The following ZKSCAN8 variants were observed in gnomAD, a reference collection of about 807,000 sequenced individuals.
The protein encoded by ZKSCAN8 is zinc finger with KRAB and SCAN domains 8, also known as zinc finger protein with KRAB and SCAN domains 8.
ZKSCAN8 carries 27 observed loss-of-function variants against 57.2 expected under a neutral mutation model. The observed-to-expected ratio is 0.47, with a 90% CI of 0.35 to 0.65. The LOEUF (loss-of-function observed/expected upper bound fraction) is 0.65. Among genes scored for constraint, ZKSCAN8 ranks in the 30% least tolerant of loss-of-function variants. ZKSCAN8 has a pLI of 0.01. For synonymous variants in ZKSCAN8, 214 were observed against 248.7 expected, an observed-to-expected ratio of 0.86 and a Z score of 1.31; for missense variants, 597 against 696.3, an observed-to-expected ratio of 0.86 and a Z score of 1.60.
Position 28,144,935 on chromosome 6 carries a change from T to C in ZKSCAN8, c.-93+2906T>C, listed in dbSNP as rs9468295. 0.23 allele frequency among the ~76,000 whole-genome samples: 34,842 copies of C among 151,920 alleles called. 4,134 individuals carry two copies. Among genetic ancestry groups the C allele is most frequent in the African/African-American group, 0.28 (11,729 of 41,410 alleles). ...AGCCGGGTGTGGTGGAGGGCGCCTG[T>C]AGTCCCAGCTACTCGGGAGGCCGAG... On this transcript the variant is annotated intron_variant, in intron 1 of 5. Transcript: ENST00000330236. This position sits in a 1 kb window ranked among gnomAD's most constrained non-coding sequence, Gnocchi z 4.5.
In ZKSCAN8 at chr6:28,153,963, C is replaced by G. The variant is rs745563207; in HGVS notation, c.1683C>G (p.Leu561=). The change falls in exon 6 of 6, where the codon CTC becomes CTG. Residue 561 remains leucine, a synonymous_variant. Coordinates refer to ENST00000330236, the MANE Select transcript of ZKSCAN8 (RefSeq NM_006298.4). ...AAGCCTTTATTCAGAGGTCAAGTCTCATTCGACATCAGAGAATCCACAGTG... is the reference window on the plus strand; with the variant it reads ...AAGCCTTTATTCAGAGGTCAAGTCTGATTCGACATCAGAGAATCCACAGTG... ...CGKAFIQRSS[L]IRHQRIHSGE... The G allele has an allele frequency of 3.1e-6, 5 of 1,611,718 alleles. No homozygotes were observed. The South Asian group carries it at 5.5e-5, about 18-fold the overall frequency.
At position 28,157,737 on chromosome 6, in the gene ZKSCAN8, C is replaced by G. The variant is rs1452757176; in HGVS notation, c.*3720C>G. ...GTACTACAAAGCTAAATTGTGCAAA[C>G]AAAACATATTTAACAGAGTAATTGG... is the stretch of plus-strand genomic sequence containing the variant. On this transcript the variant is annotated 3_prime_UTR_variant, in exon 6 of 6. Transcript: ENST00000330236. 5 of 151,960 alleles carry G rather than the reference C, an allele frequency of 3.3e-5. No individual in the cohort carries two copies. Among genetic ancestry groups the G allele is most frequent in the Non-Finnish European group, 1.5e-5 (1 of 67,986 alleles). 9.4% of individuals were successfully genotyped at this position (151,960 alleles called of 1,614,324 possible).
At chr6:28,147,080 G>A (rs1460623754) in intron 1 of ZKSCAN8, among the ~76,000 whole-genome samples, 3 of 151,912 alleles carry the variant, frequency 2.0e-5, no homozygotes, top group Non-Finnish European at 2.9e-5. Context: ...TCTTCAAAAG[G>A]CCCTATGAAA....
At position 28,151,438 on chromosome 6, in the gene ZKSCAN8, G is replaced by T. The variant is rs566193060; in HGVS notation, c.560-407G>T. ...AATATCTATAGAAAGCAAATACTGG[G>T]AGCCATAGTAGACATTTCAGAAAGG... is the stretch of plus-strand genomic sequence containing the variant. On this transcript the variant is annotated intron_variant, in intron 3 of 5. Coordinates refer to ENST00000330236, the MANE Select transcript of ZKSCAN8 (RefSeq NM_006298.4). 2.0e-5 allele frequency among the ~76,000 whole-genome samples: 3 copies of T among 152,218 alleles called. No homozygotes were observed. In the East Asian group the frequency reaches 5.8e-4, roughly 29 times the overall value.
In ZKSCAN8 at chr6:28,156,292, C is replaced by CCATAGA. The variant is rs1765781129; in HGVS notation, c.*2277_*2282dup. ...ATTGGGTGCATTCAGGGTGGTATGG[C>CCATAGA]CATAGACCAGAGCAACACATTGAAA... On this transcript the variant is annotated 3_prime_UTR_variant, in exon 6 of 6. Coordinates refer to ENST00000330236, the MANE Select transcript of ZKSCAN8 (RefSeq NM_006298.4). 1 of 397,774 alleles carries CCATAGA rather than the reference C, an allele frequency of 2.5e-6. No homozygotes were observed. Among genetic ancestry groups the CCATAGA allele is most frequent in the Non-Finnish European group, 4.4e-6 (1 of 225,570 alleles). 24.6% of individuals were successfully genotyped at this position (397,774 alleles called of 1,614,324 possible).
Position 28,153,117 on chromosome 6 carries a change from C to G in ZKSCAN8, c.837C>G (p.Ile279Met), listed in dbSNP as rs146221234. Residue 279 changes from isoleucine (I) to methionine (M), a missense_variant, in exon 6 of 6, where the codon ATC (isoleucine) becomes ATG (methionine). Physicochemically the swap from Ile to Met is conservative, Grantham distance 10 (BLOSUM62 1). Transcript: ENST00000330236. The stretch of plus-strand genomic sequence containing the variant: ...CAAAACAGGTAATATCTACTGGAAT[C>G]CAGCCACATGGAGAGACAGCTGCCA... ...LASKQVISTG[I>M]QPHGETAAKC... 2 of 1,614,154 alleles carry G rather than the reference C, an allele frequency of 1.2e-6. No individual in the cohort carries two copies. The highest frequency in any genetic ancestry group is 1.7e-6 in the Non-Finnish European group (2 of 1,180,036).
intron 1 of ZKSCAN8, among the ~76,000 whole-genome samples, chr6:28,146,685 AG>A (rs1765407879): frequency 6.6e-6 from 1 of 152,234 alleles, no homozygotes. Flanking sequence ...CAAAGTTGCA[AG>A]ACCCACCTAC....
Position 28,141,917 on chromosome 6 carries a change from G to A in ZKSCAN8, c.-205G>A, listed in dbSNP as rs1267607694. 1 of 152,624 alleles carries A rather than the reference G, an allele frequency of 6.6e-6. No individual in the cohort carries two copies. Among genetic ancestry groups the A allele is most frequent in the Non-Finnish European group, 1.5e-5 (1 of 68,344 alleles). 9.5% of individuals were successfully genotyped at this position (152,624 alleles called of 1,614,324 possible). A position where few individuals can be genotyped will look rare whatever the true frequency, so the allele number is the denominator to read the frequency against. ...CCGCAGATTTAGAAGTTAGTGGCCG[G>A]AGGGGCCTGGTCCGAGTACAGCTTT... On this transcript the variant is annotated 5_prime_UTR_variant, in exon 1 of 6. Coordinates refer to ENST00000330236, the MANE Select transcript of ZKSCAN8 (RefSeq NM_006298.4).
At position 28,141,949 on chromosome 6, in the gene ZKSCAN8, C is replaced by CT. The variant is rs1472220919; in HGVS notation, c.-170dup. On this transcript the variant is annotated 5_prime_UTR_variant, in exon 1 of 6. Transcript: ENST00000330236. The stretch of plus-strand genomic sequence containing the variant: ...CTGGTCCGAGTACAGCTTTCATCGC[C>CT]TTTACTCCCCGACCTTCCTTCGAGT... 2 of 152,470 alleles carry CT rather than the reference C, an allele frequency of 1.3e-5. No homozygotes were observed. The highest frequency in any genetic ancestry group is 2.9e-5 in the Non-Finnish European group (2 of 68,202). 9.4% of individuals were successfully genotyped at this position (152,470 alleles called of 1,614,324 possible). A position where few individuals can be genotyped will look rare whatever the true frequency, so the allele number is the denominator to read the frequency against.
chr6:28,153,106 T>A lies in ZKSCAN8; in HGVS notation c.826T>A (p.Ser276Thr), dbSNP rs768991197. The A allele has an allele frequency of 1.2e-6, 2 of 1,614,176 alleles. No homozygotes were observed. Among genetic ancestry groups the A allele is most frequent in the Non-Finnish European group, 1.7e-6 (2 of 1,180,038 alleles). The part of the protein sequence containing the change: ...NRELASKQVI[S>T]TGIQPHGETA... ...GGAATTAGCTTCAAAACAGGTAATATCTACTGGAATCCAGCCACATGGAGA... is the reference window on the plus strand; with the variant it reads ...GGAATTAGCTTCAAAACAGGTAATAACTACTGGAATCCAGCCACATGGAGA... The change falls in exon 6 of 6, where the codon TCT becomes ACT. Residue 276 changes from serine (S) to threonine (T), a missense_variant. Ser to Thr is a moderately conservative substitution (Grantham distance 58). Coordinates refer to ENST00000330236, the MANE Select transcript of ZKSCAN8 (RefSeq NM_006298.4).
In ZKSCAN8 at chr6:28,154,518, T is replaced by G; in HGVS notation, c.*501T>G. On this transcript the variant is annotated 3_prime_UTR_variant, in exon 6 of 6. Coordinates refer to ENST00000330236, the MANE Select transcript of ZKSCAN8 (RefSeq NM_006298.4). ...TTTGTATGTAGCTTTCTAGGAAAAT[T>G]TTACAGACACTTAAAGTATTTATGC... 1 of 153,312 alleles carries G rather than the reference T, an allele frequency of 6.5e-6. No homozygotes were observed. Among genetic ancestry groups the G allele is most frequent in the Non-Finnish European group, 1.5e-5 (1 of 68,812 alleles). 9.5% of individuals were successfully genotyped at this position (153,312 alleles called of 1,614,324 possible).
In ZKSCAN8 at chr6:28,144,647, T is replaced by C. The variant is rs567829420; in HGVS notation, c.-93+2618T>C. On this transcript the variant is annotated intron_variant, in intron 1 of 5. Coordinates refer to ENST00000330236, the MANE Select transcript of ZKSCAN8 (RefSeq NM_006298.4). The surrounding 1 kb of genome is among the most constrained non-coding windows in gnomAD (Gnocchi z 4.5). ...TAAGGCCATGGCCACATTCTCACAA[T>C]GTGATAAGTCCTATATTTGGACCAT... Among the ~76,000 whole-genome samples, 5 of 152,322 alleles carry C rather than the reference T, an allele frequency of 3.3e-5. No homozygotes were observed. In the East Asian group the frequency reaches 9.6e-4, roughly 29 times the overall value.
intron 3 of ZKSCAN8, 54 bp downstream of exon 3, chr6:28,149,678 A>C (rs1765529312): frequency 1.4e-5 from 22 of 1,599,902 alleles, no homozygotes; most frequent in Non-Finnish European, 1.9e-5. Context: ...ATAAAAGTCC[A>C]TTTGGGATAC....
intron 5 of ZKSCAN8, 63 bp downstream of exon 5, chr6:28,152,447 A>G (rs1765622730): frequency 1.3e-6 from 2 of 1,536,566 alleles, no homozygotes; most frequent in African/African-American, 1.4e-5. Flanking sequence ...GTTTATGTGT[A>G]TAGTAGCTAC....
chr6:28,146,623 T>TTCTAAA (rs1295911644), intron 1 of ZKSCAN8, among the ~76,000 whole-genome samples: 1 of 152,218 alleles, frequency 6.6e-6, no homozygotes, highest in Non-Finnish European at 1.5e-5. Context: ...CTAAAATGTG[T>TTCTAAA]ATCAAAAGAC....
Position 28,148,532 on chromosome 6 carries a change from G to A in ZKSCAN8, c.125G>A (p.Ser42Asn), listed in dbSNP as rs138137752. ...GWDQESSLHESNPLGQEVFRL... is the reference protein window; with the variant it reads ...GWDQESSLHENNPLGQEVFRL... ...GACCAGGAATCTAGTCTGCATGAAAGTAACCCTCTTGGCCAAGAAGTGTTC... is the reference window on the plus strand; with the variant it reads ...GACCAGGAATCTAGTCTGCATGAAAATAACCCTCTTGGCCAAGAAGTGTTC... Residue 42 changes from serine (S) to asparagine (N), a missense_variant, in exon 2 of 6, where the codon AGT becomes AAT. By Grantham distance (46) the Ser-to-Asn change is conservative (BLOSUM62 1). Coordinates refer to ENST00000330236, the MANE Select transcript of ZKSCAN8 (RefSeq NM_006298.4). 3.9e-5 allele frequency: 63 copies of A among 1,614,178 alleles called. 1 individual carries two copies. In the African/African-American group the frequency reaches 6.4e-4, roughly 16 times the overall value.
At chr6:28,149,219 G>C (rs1765508152) in intron 2 of ZKSCAN8, among the ~76,000 whole-genome samples, 1 of 152,110 alleles carries the variant, frequency 6.6e-6, no homozygotes, top group African/African-American at 2.4e-5. Context: ...TCCTTCCTCT[G>C]CCTTAGGAGT....
In ZKSCAN8 at chr6:28,153,800, A is replaced by G; in HGVS notation, c.1520A>G (p.Glu507Gly). 6.2e-7 allele frequency: 1 copy of G among 1,613,566 alleles called. No homozygotes were observed. The highest frequency in any genetic ancestry group is 8.5e-7 in the Non-Finnish European group (1 of 1,179,814). Residue 507 changes from glutamate to glycine, a missense_variant, in exon 6 of 6, where the codon GAA becomes GGA. By Grantham distance (98) the Glu-to-Gly change is moderately conservative. Coordinates refer to ENST00000330236, the MANE Select transcript of ZKSCAN8 (RefSeq NM_006298.4). ...TTCAGTCAGAAGTCAGGCCTTATTG[A>G]ACATCAGAGAATCCACACTGGAGAA... is the stretch of plus-strand genomic sequence containing the variant. Reference protein sequence around the residue: ...RAFSQKSGLIEHQRIHTGERP... With the variant: ...RAFSQKSGLIGHQRIHTGERP...
At chr6:28,150,448 T>G (rs1038161179) in intron 3 of ZKSCAN8, among the ~76,000 whole-genome samples, 1 of 152,196 alleles carries the variant, frequency 6.6e-6, no homozygotes, top group African/African-American at 2.4e-5. Flanking sequence ...ATTGGTGGTG[T>G]TATCTTTGAT....
Sources: gnomAD v4.1 joint callset for allele counts (sites outside exome capture counted in the v4.1 genomes callset) on GRCh38, gnomAD v4.1.1 for gene constraint, Gnocchi (gnomAD v3.1) non-coding constraint, MANE v1.5 for transcripts, NCBI Gene and HGNC (gene_info 2026-07-23, HGNC 2026-07-21) for gene names.